The following NAALADL2 variants were observed in gnomAD, a reference collection of about 807,000 sequenced individuals.
NAALADL2 encodes N-acetylated alpha-linked acidic dipeptidase like 2, also known as inactive N-acetylated-alpha-linked acidic dipeptidase-like protein 2.
NAALADL2 carries 76 observed loss-of-function variants against 87.2 expected under a neutral mutation model. The ratio of observed to expected loss-of-function variants is 0.87; its 90% CI spans 0.72 to 1.05. The LOEUF is 1.05. Among genes scored for constraint, NAALADL2 ranks in the 50% least tolerant of loss-of-function variants. The probability of loss-of-function intolerance (pLI) is 0.00; values close to 1 mark genes in which losing one functional copy is unlikely to be tolerated. For synonymous variants in NAALADL2, 354 were observed against 331.0 expected, an observed-to-expected ratio of 1.07 and a Z score of -0.75; for missense variants, 1,089 against 945.8, an observed-to-expected ratio of 1.15 and a Z score of -1.99.
chr3:175,148,637 G>T (rs530581502), intron 2 of NAALADL2, among the ~76,000 whole-genome samples: 1 of 152,164 alleles, frequency 6.6e-6, no homozygotes, highest in African/African-American at 2.4e-5. Context: ...AAAGGTAGGG[G>T]TCCACTTTCA....
intron 5 of NAALADL2, among the ~76,000 whole-genome samples, chr3:175,386,806 G>C (rs1398230811): frequency 6.6e-6 from 1 of 152,032 alleles, no homozygotes; most frequent in Non-Finnish European, 1.5e-5. Flanking sequence ...TAGTCACTCT[G>C]TAGCCATCTT....
intron 11 of NAALADL2, among the ~76,000 whole-genome samples, chr3:175,696,271 G>A (rs991848891): frequency 1.3e-5 from 2 of 152,066 alleles, no homozygotes; most frequent in African/African-American, 2.4e-5. Flanking sequence ...GCCTTCCCTT[G>A]AGCTAGTTAG....
At chr3:174,716,535 A>G (rs1465052631) in intron 2 of NAALADL2, among the ~76,000 whole-genome samples, 1 of 152,092 alleles carries the variant, frequency 6.6e-6, no homozygotes, top group Non-Finnish European at 1.5e-5. Flanking sequence ...TATAGCAACT[A>G]AAATTTAGGT....
chr3:175,718,595 T>C lies in NAALADL2; in HGVS notation c.1897-18711T>C, dbSNP rs541920975. The C allele has an allele frequency of 3.8e-6, 6 of 1,594,300 alleles. No homozygotes were observed. The East Asian group carries it at 1.3e-4, about 36-fold the overall frequency. On this transcript the variant is annotated intron_variant, in intron 11 of 13. Transcript: ENST00000454872. ...AACTGTGCCATCTCCTACTCCTTTC[T>C]GGCCTTCTTCGAGTTTTTCCAACAG...
chr3:175,368,930 G>A (rs1336429271), intron 5 of NAALADL2, among the ~76,000 whole-genome samples: 1 of 151,858 alleles, frequency 6.6e-6, no homozygotes, highest in Non-Finnish European at 1.5e-5. Context: ...CCCTGTATAG[G>A]GCACTTTTCA....
At chr3:175,479,895 A>G (rs1726215215) in intron 9 of NAALADL2, among the ~76,000 whole-genome samples, 1 of 151,732 alleles carries the variant, frequency 6.6e-6, no homozygotes, top group African/African-American at 2.4e-5. Flanking sequence ...ATGGATAGTA[A>G]TTTTATGTAT....
intron 1 of NAALADL2, among the ~76,000 whole-genome samples, chr3:174,980,674 T>G (rs1744991108): frequency 6.6e-6 from 1 of 152,196 alleles, no homozygotes; most frequent in East Asian, 1.9e-4. Context: ...AATGACTTTT[T>G]AAATTAGAAT....
At position 175,246,071 on chromosome 3, in the gene NAALADL2, C is replaced by A. The variant is rs190728026; in HGVS notation, c.820-10340C>A. Among the ~76,000 whole-genome samples the A allele has an allele frequency of 2.0e-5, 3 of 152,018 alleles. No homozygotes were observed. The East Asian group carries it at 5.8e-4, about 29-fold the overall frequency. ...CCATGATGGAAAGCCACTGAGTGAACCTAAAACAGAAGCACCAATATAATT... is the reference window on the plus strand; with the variant it reads ...CCATGATGGAAAGCCACTGAGTGAAACTAAAACAGAAGCACCAATATAATT... On this transcript the variant is annotated intron_variant, in intron 3 of 13. Transcript: ENST00000454872.
intron 13 of NAALADL2, among the ~76,000 whole-genome samples, chr3:175,762,192 A>ATTTTTTTTTTTTTTTTTTTT: frequency 8.8e-6 from 1 of 114,168 alleles, no homozygotes; most frequent in Non-Finnish European, 1.7e-5. Flanking sequence ...CTGTGTTTCG[A>ATTTTTTTTTTTTTTTTTTTT]TTTTTTTTTT....
At chr3:175,208,474 G>C (rs759317997) in intron 2 of NAALADL2, among the ~76,000 whole-genome samples, 9 of 152,072 alleles carry the variant, frequency 5.9e-5, no homozygotes, top group Non-Finnish European at 1.3e-4. Flanking sequence ...AAGGCTTTTA[G>C]TTGTCTCTGC....
Position 175,328,431 on chromosome 3 carries a change from A to G in NAALADL2, c.1090+4106A>G, listed in dbSNP as rs556221059. ...AAGTTCTACTGTAAAAAAAAAAAAA[A>G]GTCTAACCCTGACTTTTTGTAAATT... On this transcript the variant is annotated intron_variant, in intron 5 of 13. Coordinates refer to ENST00000454872, the MANE Select transcript of NAALADL2 (RefSeq NM_207015.3). Among the ~76,000 whole-genome samples the G allele has an allele frequency of 1.3e-4, 20 of 151,762 alleles. No individual in the cohort carries two copies. In the South Asian group the frequency reaches 1.9e-3, roughly 14 times the overall value.
intron 2 of NAALADL2, among the ~76,000 whole-genome samples, chr3:174,652,486 G>A (rs1724467126): frequency 1.3e-5 from 2 of 152,188 alleles, no homozygotes; most frequent in South Asian, 2.1e-4. Flanking sequence ...GAAGGTGAAG[G>A]AAGAGCAAAG....
intron 2 of NAALADL2, among the ~76,000 whole-genome samples, chr3:175,220,835 T>G (rs1743241667): frequency 6.6e-6 from 1 of 152,220 alleles, no homozygotes; most frequent in Admixed American, 6.6e-5. Flanking sequence ...GGCAATACAT[T>G]TCTCTAAGCA....
At chr3:174,670,346 T>C (rs1364331152) in intron 2 of NAALADL2, among the ~76,000 whole-genome samples, 1 of 152,150 alleles carries the variant, frequency 6.6e-6, no homozygotes, top group East Asian at 1.9e-4. Context: ...AATTACCTTT[T>C]TAGCTACATT....
intron 7 of NAALADL2, among the ~76,000 whole-genome samples, chr3:175,466,521 T>A (rs994030660): frequency 6.6e-6 from 1 of 152,202 alleles, no homozygotes; most frequent in Non-Finnish European, 1.5e-5. Context: ...GAAGCTGTAA[T>A]TAATTCCCTG....
At chr3:175,094,559 A>T (rs1229570713) in intron 1 of NAALADL2, among the ~76,000 whole-genome samples, 2 of 151,786 alleles carry the variant, frequency 1.3e-5, no homozygotes, top group African/African-American at 2.4e-5. Context: ...GCTTGTCTTG[A>T]TTTGACCAAA....
intron 1 of NAALADL2, among the ~76,000 whole-genome samples, chr3:174,982,662 G>A (rs954637028): frequency 3.3e-5 from 5 of 152,134 alleles, no homozygotes; most frequent in African/African-American, 7.2e-5. Context: ...GTGTAACATC[G>A]AAGCCTTGCA....
chr3:174,711,451 A>G (rs1730624977), intron 2 of NAALADL2, among the ~76,000 whole-genome samples: 1 of 152,216 alleles, frequency 6.6e-6, no homozygotes. Context: ...ACTTCCACAT[A>G]TAGTTAAGTA....
intron 3 of NAALADL2, among the ~76,000 whole-genome samples, chr3:174,833,500 G>T (rs1251664575): frequency 6.6e-6 from 1 of 152,040 alleles, no homozygotes; most frequent in African/African-American, 2.4e-5. Flanking sequence ...TATCAGTTCT[G>T]CACAAATCTT....
Sources: gnomAD v4.1 joint callset for allele counts (sites outside exome capture counted in the v4.1 genomes callset) on GRCh38, gnomAD v4.1.1 for gene constraint, MANE v1.5 for transcripts, NCBI Gene and HGNC (gene_info 2026-07-23, HGNC 2026-07-21) for gene names.